The following NR2C2 variants were observed in gnomAD, a reference collection of about 807,000 sequenced individuals.
NR2C2 encodes the protein nuclear receptor subfamily 2 group C member 2.
In NR2C2, 6 loss-of-function variants were observed where a neutral mutation model predicts 62.9. The observed-to-expected ratio is 0.10, with a 90% CI of 0.05 to 0.19. NR2C2 has a LOEUF of 0.19. Ranked by LOEUF, NR2C2 falls within the 10% of genes least tolerant of loss-of-function variation. The pLI is 1.00. For synonymous variants in NR2C2, 272 were observed against 273.8 expected, an observed-to-expected ratio of 0.99 and a Z score of 0.07; for missense variants, 479 against 762.7, an observed-to-expected ratio of 0.63 and a Z score of 4.38.
chr3:15,024,243 T>C (rs2041759629), intron 7 of NR2C2, 35 bp downstream of exon 7: 7 of 1,421,324 alleles, frequency 4.9e-6, no homozygotes, highest in African/African-American at 1.5e-5. Context: ...TCTCATCCTT[T>C]ATGTTGACAT....
At chr3:14,996,723 G>A (rs1295050481) in intron 1 of NR2C2, among the ~76,000 whole-genome samples, 1 of 152,066 alleles carries the variant, frequency 6.6e-6, no homozygotes, top group African/African-American at 2.4e-5. Flanking sequence ...GGCGCCCACC[G>A]CCATGCCCAG....
At chr3:14,981,085 A>G (rs1001960206) in intron 1 of NR2C2, among the ~76,000 whole-genome samples, 16 of 152,246 alleles carry the variant, frequency 1.1e-4, no homozygotes, top group Non-Finnish European at 2.1e-4. Context: ...CTAACTTTGC[A>G]ACAGATCATA....
chr3:15,004,417 C>T (rs2041108860), intron 2 of NR2C2: 2 of 741,252 alleles, frequency 2.7e-6, no homozygotes, highest in Admixed American at 7.1e-5. Context: ...TATGAAGAAT[C>T]AAAGGGATAT....
intron 1 of NR2C2, chr3:14,948,450 G>A (rs1000112613): frequency 1.3e-5 from 2 of 152,326 alleles, no homozygotes; most frequent in Non-Finnish European, 2.9e-5. Flanking sequence ...TTGGCGCCCA[G>A]ATAGGAGGGC....
intron 2 of NR2C2, among the ~76,000 whole-genome samples, chr3:15,010,584 T>TA (rs2041324770): frequency 6.6e-6 from 1 of 151,720 alleles, no homozygotes; most frequent in African/African-American, 2.4e-5. Context: ...TGGTGGTGCT[T>TA]ACCTGTAGTC....
In NR2C2 at chr3:15,038,009, C is replaced by G; in HGVS notation, c.1382C>G (p.Ser461Cys). Residue 461 changes from serine (S) to cysteine (C), a missense_variant, in exon 12 of 14, where the codon TCT becomes TGT. Ser to Cys is a moderately radical substitution (Grantham distance 112, BLOSUM62 -1). Transcript: ENST00000425241. The part of the protein sequence containing the change: ...LQNSIQEDKL[S>C]GDRIKQVMEH... ...TGATGTTGGTTTCTAGATAAACTTTCTGGTGACCGGATAAAGCAAGTCATG... is the reference window on the plus strand; with the variant it reads ...TGATGTTGGTTTCTAGATAAACTTTGTGGTGACCGGATAAAGCAAGTCATG... 6.2e-7 allele frequency: 1 copy of G among 1,613,158 alleles called. No individual in the cohort carries two copies. The highest frequency in any genetic ancestry group is 8.5e-7 in the Non-Finnish European group (1 of 1,179,684).
chr3:14,955,958 A>G (rs537825902), intron 1 of NR2C2, among the ~76,000 whole-genome samples: 2 of 152,354 alleles, frequency 1.3e-5, no homozygotes, highest in South Asian at 4.1e-4. Context: ...CAGCCTTGCT[A>G]CTTCTACCAT....
chr3:14,993,366 A>G (rs1220131636), intron 1 of NR2C2, among the ~76,000 whole-genome samples: 1 of 151,898 alleles, frequency 6.6e-6, no homozygotes, highest in African/African-American at 2.4e-5. Flanking sequence ...AGGCAGGAGA[A>G]TCGCTTGAAC....
At chr3:14,948,616 A>AG (rs2039227272) in intron 1 of NR2C2, 6 of 147,878 alleles carry the variant, frequency 4.1e-5, no homozygotes. Context: ...GCGGGGCGCG[A>AG]GGGGCGCGGC....
rs200107895 is a variant in NR2C2 at position 15,037,986 on chromosome 3, A to T, written c.1373-14A>T. ...TTACCAGCCTTTCTCAGGATCTGTG[A>T]TGTTGGTTTCTAGATAAACTTTCTG... On this transcript the variant is annotated splice_polypyrimidine_tract_variant and intron_variant, in intron 11 of 13. Transcript: ENST00000425241. 4.7e-5 allele frequency: 76 copies of T among 1,611,026 alleles called. No homozygotes were observed. Among genetic ancestry groups the T allele is most frequent in the Non-Finnish European group, 5.9e-5 (70 of 1,178,376 alleles).
intron 1 of NR2C2, among the ~76,000 whole-genome samples, chr3:14,961,930 G>A (rs2039699174): frequency 6.6e-6 from 1 of 152,168 alleles, no homozygotes; most frequent in Non-Finnish European, 1.5e-5. Context: ...TGTGAGTGAG[G>A]TATGTTAGCA....
chr3:14,994,300 A>G (rs1316924366), intron 1 of NR2C2, among the ~76,000 whole-genome samples: 2 of 152,042 alleles, frequency 1.3e-5, no homozygotes, highest in African/African-American at 2.4e-5. Flanking sequence ...CAAGTTAAGA[A>G]CAGAATAGAA....
At chr3:14,952,292 G>C (rs929285399) in intron 1 of NR2C2, among the ~76,000 whole-genome samples, 3 of 152,200 alleles carry the variant, frequency 2.0e-5, no homozygotes, top group Non-Finnish European at 4.4e-5. Context: ...TTGTGGAGCA[G>C]CCCTGTCTTC....
intron 1 of NR2C2, among the ~76,000 whole-genome samples, chr3:14,994,774 C>T (rs1306841096): frequency 1.4e-5 from 2 of 145,220 alleles, no homozygotes; most frequent in Admixed American, 1.4e-4. Flanking sequence ...AAAAAGCCAG[C>T]TGTGGTGGAG....
chr3:14,982,424 TAAATG>T (rs1183725646), intron 1 of NR2C2, among the ~76,000 whole-genome samples: 1 of 152,154 alleles, frequency 6.6e-6, no homozygotes, highest in Non-Finnish European at 1.5e-5. Context: ...TGCAAATACT[TAAATG>T]AATCAATTTA....
intron 4 of NR2C2, among the ~76,000 whole-genome samples, chr3:15,016,987 T>C (rs893492027): frequency 1.3e-5 from 2 of 152,186 alleles, no homozygotes; most frequent in Non-Finnish European, 2.9e-5. Flanking sequence ...TGGAGAAGTA[T>C]TTTACAAGAA....
intron 1 of NR2C2, among the ~76,000 whole-genome samples, chr3:14,949,332 C>T (rs557699670): frequency 1.3e-5 from 2 of 152,246 alleles, no homozygotes; most frequent in South Asian, 4.1e-4. Context: ...ACAGAGGAAC[C>T]CAAGGGAGGA....
chr3:15,028,756 C>T, intron 8 of NR2C2, 37 bp downstream of exon 8: 1 of 1,601,882 alleles, frequency 6.2e-7, no homozygotes. Context: ...CCCTCCTCGC[C>T]TGGACACCCT....
Position 15,020,871 on chromosome 3 carries a change from C to A in NR2C2, c.495C>A (p.His165Gln). The stretch of plus-strand genomic sequence containing the variant: ...AAGACTGCATCATCAATAAACATCA[C>A]CGGAACCGCTGTCAGTTTTGCCGGC... Reference protein sequence around the residue: ...SNQDCIINKHHRNRCQFCRLK... With the variant: ...SNQDCIINKHQRNRCQFCRLK... Residue 165 changes from histidine to glutamine, a missense_variant, in exon 5 of 14, where the codon CAC becomes CAA. This residue lies in a region of NR2C2 where 51 missense variants were observed against 137.5 expected (regional missense o/e 0.37). Coordinates refer to ENST00000425241, the MANE Select transcript of NR2C2 (RefSeq NM_001291694.2). 1 of 1,614,154 alleles carries A rather than the reference C, an allele frequency of 6.2e-7. No homozygotes were observed.
Sources: gnomAD v4.1 joint callset for allele counts (sites outside exome capture counted in the v4.1 genomes callset) on GRCh38, gnomAD v4.1.1 for gene constraint, gnomAD v4.1.1 regional missense constraint, MANE v1.5 for transcripts, NCBI Gene and HGNC (gene_info 2026-07-23, HGNC 2026-07-21) for gene names.